PID1: variants seen among roughly 807,000 people sequenced by gnomAD.
The protein encoded by PID1 is phosphotyrosine interaction domain containing 1.
PID1 carries 10 observed loss-of-function variants against 19.1 expected under a neutral mutation model. That is an observed-to-expected ratio of 0.52 (90% CI 0.32 to 0.89). The LOEUF (loss-of-function observed/expected upper bound fraction) is 0.89, where lower values mean the gene tolerates loss of function less well. Ranked by LOEUF, PID1 falls within the 40% of genes least tolerant of loss-of-function variation. PID1 has a pLI of 0.03. For missense variants in PID1, 248 were observed against 285.3 expected, an observed-to-expected ratio of 0.87 and a Z score of 0.94; for synonymous variants, 130 against 116.0, an observed-to-expected ratio of 1.12 and a Z score of -0.78.
At chr2:229,173,919 T>C (rs953522632) in intron 1 of PID1, among the ~76,000 whole-genome samples, 1 of 151,860 alleles carries the variant, frequency 6.6e-6, no homozygotes, top group African/African-American at 2.4e-5. Context: ...TGGGGAGGGG[T>C]GGTTGTTTCC....
At chr2:229,069,578 G>A (rs1431910836) in intron 2 of PID1, among the ~76,000 whole-genome samples, 1 of 152,184 alleles carries the variant, frequency 6.6e-6, no homozygotes, top group African/African-American at 2.4e-5. Context: ...GACTTAGTTG[G>A]ACAATATTGA....
intron 2 of PID1, among the ~76,000 whole-genome samples, chr2:229,036,241 C>T (rs1281422677): frequency 6.6e-6 from 1 of 152,166 alleles, no homozygotes; most frequent in Non-Finnish European, 1.5e-5. Context: ...GAGGCTTGGT[C>T]TCAGCTCAGA....
chr2:229,168,359 CTT>C (rs1420857316), intron 1 of PID1, among the ~76,000 whole-genome samples: 1 of 152,088 alleles, frequency 6.6e-6, no homozygotes, highest in Non-Finnish European at 1.5e-5. Context: ...TTTATACACT[CTT>C]TTTTCTTTTT....
intron 1 of PID1, among the ~76,000 whole-genome samples, chr2:229,251,565 G>A (rs1334111281): frequency 3.9e-5 from 6 of 152,098 alleles, no homozygotes; most frequent in African/African-American, 7.2e-5. Flanking sequence ...TTTCTTAAAT[G>A]TTAACACTTA....
At chr2:229,185,755 C>T (rs552387698) in intron 1 of PID1, among the ~76,000 whole-genome samples, 4 of 152,260 alleles carry the variant, frequency 2.6e-5, no homozygotes, top group South Asian at 2.1e-4. Context: ...TCCCACAACA[C>T]GTGGGAATTG....
chr2:229,135,967 C>T (rs538401379), intron 2 of PID1, among the ~76,000 whole-genome samples: 13 of 152,286 alleles, frequency 8.5e-5, no homozygotes, highest in South Asian at 8.3e-4. Context: ...CTAAAATCCA[C>T]GCCTTTTTAC....
chr2:229,190,243 A>G (rs1256231426), intron 1 of PID1, among the ~76,000 whole-genome samples: 1 of 152,240 alleles, frequency 6.6e-6, no homozygotes. Flanking sequence ...GAGAGTAAAT[A>G]TTTCAGTTAC....
rs537863843 is a variant in PID1, at chr2:229,241,565, G to A, written c.30+29449C>T. Among the ~76,000 whole-genome samples, 5 of 152,200 alleles carry A rather than the reference G, an allele frequency of 3.3e-5. No homozygotes were observed. In the South Asian group the frequency reaches 8.3e-4, roughly 25 times the overall value. ...TTATGAGAGCACAGGTTTTTAAGAG[G>A]TCCAATTCTTTCTTTATAATTCTGA... On this transcript the variant is annotated intron_variant, in intron 1 of 2. Coordinates refer to ENST00000392055, the MANE Select transcript of PID1 (RefSeq NM_001100818.2).
At chr2:229,187,900 C>T (rs1039061262) in intron 1 of PID1, among the ~76,000 whole-genome samples, 5 of 152,158 alleles carry the variant, frequency 3.3e-5, no homozygotes, top group African/African-American at 9.7e-5. Context: ...TAAACCCATG[C>T]TAATCTGGCT....
chr2:229,258,899 C>T (rs1205800653), intron 1 of PID1, among the ~76,000 whole-genome samples: 6 of 150,918 alleles, frequency 4.0e-5, no homozygotes, highest in African/African-American at 1.5e-4. Context: ...TGAACAAATC[C>T]GTCAACCCCA....
At chr2:229,112,957 G>A (rs1057188848) in intron 2 of PID1, among the ~76,000 whole-genome samples, 11 of 152,100 alleles carry the variant, frequency 7.2e-5, no homozygotes, top group African/African-American at 1.7e-4. Flanking sequence ...CTGTATAGGC[G>A]AGTCTCATAC....
chr2:229,056,629 T>A (rs200877603), intron 2 of PID1, among the ~76,000 whole-genome samples: 1 of 122,804 alleles, frequency 8.1e-6, no homozygotes. Context: ...ATATATATAT[T>A]TCTCTTTGAC....
At chr2:229,188,597 G>A (rs1171519914) in intron 1 of PID1, among the ~76,000 whole-genome samples, 1 of 152,022 alleles carries the variant, frequency 6.6e-6, no homozygotes, top group Non-Finnish European at 1.5e-5. Flanking sequence ...AAATTAGCCA[G>A]GCATGGTGGC....
chr2:229,266,431 C>G (rs1690593891), intron 1 of PID1, among the ~76,000 whole-genome samples: 1 of 147,038 alleles, frequency 6.8e-6, no homozygotes, highest in South Asian at 2.1e-4. Context: ...GCTTATGTGC[C>G]ACCAAAGATT....
intron 1 of PID1, among the ~76,000 whole-genome samples, chr2:229,160,643 C>T (rs1173546900): frequency 1.3e-5 from 2 of 152,064 alleles, no homozygotes; most frequent in African/African-American, 2.4e-5. Context: ...AGTCCAATGA[C>T]AACTGCAAAT....
chr2:229,145,947 G>A (rs1559255670), intron 2 of PID1, among the ~76,000 whole-genome samples: 1 of 152,148 alleles, frequency 6.6e-6, no homozygotes, highest in Non-Finnish European at 1.5e-5. Context: ...TACCTTTACA[G>A]AGCAATTTTC....
At chr2:229,187,497 C>T (rs6704805) in intron 1 of PID1, among the ~76,000 whole-genome samples, 135,202 of 151,902 alleles carry the variant, frequency 0.89, 60,310 homozygotes, top group African/African-American at 0.94. Context: ...GCAGGAAACC[C>T]CCCCCTTATA....
At chr2:229,033,900 C>T (rs1367852403) in intron 2 of PID1, among the ~76,000 whole-genome samples, 1 of 152,126 alleles carries the variant, frequency 6.6e-6, no homozygotes, top group Non-Finnish European at 1.5e-5. Context: ...CACATGGATT[C>T]CCACCTGCAC....
intron 1 of PID1, among the ~76,000 whole-genome samples, chr2:229,236,987 T>TACACACAAACACACACACAC (rs1553583949): frequency 2.8e-5 from 3 of 107,780 alleles, no homozygotes; most frequent in African/African-American, 1.1e-4. Context: ...TACACACACA[T>TACACACAAACACACACACAC]ACACACACAC....
Sources: gnomAD v4.1 joint callset for allele counts (sites outside exome capture counted in the v4.1 genomes callset) on GRCh38, gnomAD v4.1.1 for gene constraint, MANE v1.5 for transcripts, NCBI Gene and HGNC (gene_info 2026-07-23, HGNC 2026-07-21) for gene names.